The following BRK1 variants were observed in gnomAD, a reference collection of about 807,000 sequenced individuals.
BRK1 encodes BRICK1 subunit of SCAR/WAVE actin nucleating complex.
Under a neutral mutation model 9.9 loss-of-function variants are expected in BRK1, and 6 were observed. The observed-to-expected ratio is 0.60, with a 90% CI of 0.33 to 1.19. The LOEUF (loss-of-function observed/expected upper bound fraction) is 1.19, where lower values mean the gene tolerates loss of function less well. Ranked by LOEUF, BRK1 falls within the 50% of genes most tolerant of loss-of-function variation. The pLI, the probability that BRK1 is intolerant of heterozygous loss-of-function variation, is 0.04. For synonymous variants in BRK1, 44 were observed against 31.9 expected, an observed-to-expected ratio of 1.38 and a Z score of -1.28; for missense variants, 62 against 97.5, an observed-to-expected ratio of 0.64 and a Z score of 1.53.
chr3:10,126,317 G>A lies in BRK1; in HGVS notation c.*22G>A, dbSNP rs1695840350. On this transcript the variant is annotated 3_prime_UTR_variant, in exon 3 of 3. Transcript: ENST00000530758. ...CTAGAACAGTGCCGTGCTGCTGCTG[G>A]GAAGTTGCTTTACACAACACAGGCC... The A allele has an allele frequency of 1.3e-6, 2 of 1,572,336 alleles. No individual in the cohort carries two copies. The highest frequency in any genetic ancestry group is 1.2e-5 in the South Asian group (1 of 85,268).
Position 10,125,696 on chromosome 3 carries a change from C to T in BRK1, c.189C>T (p.Tyr63=). 2 of 1,611,442 alleles carry T rather than the reference C, an allele frequency of 1.2e-6. No homozygotes were observed. Among genetic ancestry groups the T allele is most frequent in the Non-Finnish European group, 1.7e-6 (2 of 1,178,454 alleles). The change falls in exon 2 of 3, where the codon TAC becomes TAT. Residue 63 remains tyrosine (Y), a synonymous_variant. Coordinates refer to ENST00000530758, the MANE Select transcript of BRK1 (RefSeq NM_018462.5). ...CAGCCCTTGAACGGAGAATAGAGTACATTGAAGCTCGGGTGAGTTTGATGG... is the reference window on the plus strand; with the variant it reads ...CAGCCCTTGAACGGAGAATAGAGTATATTGAAGCTCGGGTGAGTTTGATGG... ...KLTALERRIE[Y]IEARVTKGET... is the part of the protein sequence containing the mutation.
At position 10,126,345 on chromosome 3, in the gene BRK1, A is replaced by G. The variant is rs1695840722; in HGVS notation, c.*50A>G. ...AGTTGCTTTACACAACACAGGCCAC[A>G]TGGGAAAGGCCCCAGCAGCCTTCAG... On this transcript the variant is annotated 3_prime_UTR_variant, in exon 3 of 3. Transcript: ENST00000530758. The G allele has an allele frequency of 9.8e-6, 15 of 1,530,700 alleles. No homozygotes were observed. The highest frequency in any genetic ancestry group is 1.4e-5 in the African/African-American group (1 of 72,792). The allele number at this position is 1,530,700 out of a possible 1,614,324, so 94.8% of individuals were successfully genotyped here.
chr3:10,125,755 C>T, intron 2 of BRK1, 47 bp downstream of exon 2: 1 of 1,366,420 alleles, frequency 7.3e-7, no homozygotes, highest in East Asian at 2.3e-5. Flanking sequence ...CACATTTCCA[C>T]TTATTGCTGA....
Position 10,126,409 on chromosome 3 carries a change from T to C in BRK1, c.*114T>C. On this transcript the variant is annotated 3_prime_UTR_variant, in exon 3 of 3. Transcript: ENST00000530758. ...CCTTAAAGAGCAACAGGGCTTATTC[T>C]TGTTTTTCTTTTTTCAAAAGTGTGG... 1 of 974,410 alleles carries C rather than the reference T, an allele frequency of 1.0e-6. No individual in the cohort carries two copies. Among genetic ancestry groups the C allele is most frequent in the Non-Finnish European group, 1.5e-6 (1 of 649,908 alleles). The allele number at this position is 974,410 out of a possible 1,614,324, so 60.4% of individuals were successfully genotyped here.
chr3:10,121,918 C>G (rs1302567359), intron 1 of BRK1, among the ~76,000 whole-genome samples: 2 of 117,310 alleles, frequency 1.7e-5, no homozygotes, highest in Non-Finnish European at 3.3e-5. Context: ...GAGATGGAGT[C>G]TCGCTCTGTT....
rs2125119465 is a variant in BRK1, at chr3:10,126,484, C to T, written c.*189C>T. The T allele has an allele frequency of 2.0e-6, 1 of 497,412 alleles. No individual in the cohort carries two copies. Among genetic ancestry groups the T allele is most frequent in the Non-Finnish European group, 3.6e-6 (1 of 281,162 alleles). The allele number at this position is 497,412 out of a possible 1,614,324, so 30.8% of individuals were successfully genotyped here. ...GTGGTGTGGTATGTGGGAAGAAGTT[C>T]AGAGGAACCGTTGGAAACGACGTTA... On this transcript the variant is annotated 3_prime_UTR_variant, in exon 3 of 3. Coordinates refer to ENST00000530758, the MANE Select transcript of BRK1 (RefSeq NM_018462.5).
At position 10,126,611 on chromosome 3, in the gene BRK1, CTCTA is replaced by C. The variant is rs1695844703; in HGVS notation, c.*320_*323del. On this transcript the variant is annotated 3_prime_UTR_variant, in exon 3 of 3. Coordinates refer to ENST00000530758, the MANE Select transcript of BRK1 (RefSeq NM_018462.5). ...GACTCTTTGTGAAGGTCCTCCTCAC[CTCTA>C]TCTTTCTTTCTCTCTCTCTCAAACT... 1 of 295,866 alleles carries C rather than the reference CTCTA, an allele frequency of 3.4e-6. No individual in the cohort carries two copies. The highest frequency in any genetic ancestry group is 4.9e-5 in the Admixed American group (1 of 20,496). The allele number at this position is 295,866 out of a possible 1,614,324, so 18.3% of individuals were successfully genotyped here. A position where few individuals can be genotyped will look rare whatever the true frequency, so the allele number is the denominator to read the frequency against.
intron 1 of BRK1, among the ~76,000 whole-genome samples, chr3:10,117,395 T>C (rs917643830): frequency 7.7e-6 from 1 of 130,240 alleles, no homozygotes; most frequent in Admixed American, 7.4e-5. Flanking sequence ...AACAAATTCT[T>C]TTTTTTTTTT....
intron 1 of BRK1, among the ~76,000 whole-genome samples, chr3:10,122,059 T>C: frequency 6.6e-6 from 1 of 151,380 alleles, no homozygotes; most frequent in Non-Finnish European, 1.5e-5. Flanking sequence ...TTAGCTAATT[T>C]TGTATTTTTA....
At position 10,125,611 on chromosome 3, in the gene BRK1, G is replaced by C. The variant is rs936657258; in HGVS notation, c.119-15G>C. The C allele has an allele frequency of 6.3e-7, 1 of 1,575,752 alleles. No homozygotes were observed. Among genetic ancestry groups the C allele is most frequent in the Non-Finnish European group, 8.7e-7 (1 of 1,150,080 alleles). ...GGAGTGACATTAATCCTGAACACCA[G>C]TCTCTTTTTCTCAGATATGTCTTGT... On this transcript the variant is annotated splice_polypyrimidine_tract_variant and intron_variant, in intron 1 of 2. Coordinates refer to ENST00000530758, the MANE Select transcript of BRK1 (RefSeq NM_018462.5).
chr3:10,124,810 C>G (rs1271613298), intron 1 of BRK1, among the ~76,000 whole-genome samples: 1 of 152,148 alleles, frequency 6.6e-6, no homozygotes, highest in African/African-American at 2.4e-5. Context: ...GAGAGTTGTT[C>G]CCAGCTTCTA....
chr3:10,122,725 A>T (rs1205427369), intron 1 of BRK1, among the ~76,000 whole-genome samples: 9 of 147,950 alleles, frequency 6.1e-5, no homozygotes, highest in Non-Finnish European at 1.3e-4. Flanking sequence ...TGTCTCTTTT[A>T]AAAAAAAAAA....
chr3:10,126,222 A>G (rs564692778), intron 2 of BRK1, 47 bp from the exon 3 acceptor site: 2 of 1,418,876 alleles, frequency 1.4e-6, no homozygotes, highest in South Asian at 1.4e-5. Context: ...AGACCCCTCT[A>G]ATCTTTTTTA....
intron 1 of BRK1, among the ~76,000 whole-genome samples, chr3:10,123,596 G>A (rs1490883146): frequency 5.5e-3 from 17 of 3,096 alleles, no homozygotes; most frequent in East Asian, 0.014. Flanking sequence ...CACCACACCC[G>A]GCTAATTTTT....
chr3:10,120,921 G>A (rs2125117728), intron 1 of BRK1, among the ~76,000 whole-genome samples: 1 of 152,294 alleles, frequency 6.6e-6, no homozygotes, highest in East Asian at 1.9e-4. Flanking sequence ...GGTTGTCAGA[G>A]ATAATATTCA....
rs113848414 is a variant in BRK1, at chr3:10,122,049, T to C, written c.119-3577T>C. Among the ~76,000 whole-genome samples the C allele has an allele frequency of 0.2, 30,747 of 151,400 alleles. 3,603 individuals carry two copies. Among genetic ancestry groups the C allele is most frequent in the African/African-American group, 0.33 (13,452 of 41,134 alleles). ...GGATTACAGGTGTGCGCCACCATGC[T>C]TAGCTAATTTTGTATTTTTAGTAGA... On this transcript the variant is annotated intron_variant, in intron 1 of 2. Coordinates refer to ENST00000530758, the MANE Select transcript of BRK1 (RefSeq NM_018462.5).
intron 1 of BRK1, among the ~76,000 whole-genome samples, chr3:10,119,766 T>C (rs1695732531): frequency 6.6e-6 from 1 of 152,208 alleles, no homozygotes; most frequent in African/African-American, 2.4e-5. Flanking sequence ...GGTTAGAGAT[T>C]ATCGCTTTTT....
intron 1 of BRK1, among the ~76,000 whole-genome samples, chr3:10,119,088 G>A (rs1695723296): frequency 6.8e-6 from 1 of 147,452 alleles, no homozygotes; most frequent in Non-Finnish European, 1.5e-5. Context: ...CTCACTGCAA[G>A]CTCTGCACTC....
At chr3:10,124,715 G>T (rs766880273) in intron 1 of BRK1, among the ~76,000 whole-genome samples, 9 of 152,030 alleles carry the variant, frequency 5.9e-5, no homozygotes, top group Non-Finnish European at 1.0e-4. Context: ...AGAGGGTCTA[G>T]TTCCTCGAAT....
Sources: allele counts gnomAD v4.1 joint callset (sites outside exome capture counted in the v4.1 genomes callset), GRCh38; gene constraint gnomAD v4.1.1; transcripts MANE v1.5; gene names NCBI Gene and HGNC (gene_info 2026-07-23, HGNC 2026-07-21).